PSD3: variants seen among roughly 807,000 people sequenced by gnomAD.
PSD3 encodes the protein pleckstrin and Sec7 domain containing 3, also known as PH and SEC7 domain-containing protein 3.
In PSD3, 49 loss-of-function variants were observed where a neutral mutation model predicts 105.5. The observed-to-expected ratio is 0.46, with a 90% confidence interval of 0.37 to 0.59. PSD3 has a LOEUF of 0.59. Ranked by LOEUF, PSD3 falls within the 20% of genes least tolerant of loss-of-function variation. The probability of loss-of-function intolerance (pLI) is 0.00; values close to 1 mark genes in which losing one functional copy is unlikely to be tolerated. For synonymous variants in PSD3, 557 were observed against 457.8 expected (o/e 1.22, Z -2.77); for missense variants, 1,561 against 1,263.8 (o/e 1.24, Z -3.57).
chr8:18,766,486 A>G (rs1194754274), intron 8 of PSD3, among the ~76,000 whole-genome samples: 1 of 152,250 alleles, frequency 6.6e-6, no homozygotes, highest in Admixed American at 6.5e-5. Flanking sequence ...AAAAACTTGA[A>G]AAACCGACGC....
At chr8:18,896,865 C>A (rs1489140731) in intron 2 of PSD3, among the ~76,000 whole-genome samples, 1 of 152,038 alleles carries the variant, frequency 6.6e-6, no homozygotes. Context: ...GGCTGGAGTG[C>A]AATGGCATGA....
chr8:18,665,315 C>G (rs1799384861), intron 9 of PSD3, among the ~76,000 whole-genome samples: 1 of 152,150 alleles, frequency 6.6e-6, no homozygotes, highest in African/African-American at 2.4e-5. Context: ...GATTCCAACC[C>G]TCATGGAATG....
intron 3 of PSD3, 61 bp downstream of exon 3, chr8:18,871,565 T>A: frequency 6.6e-7 from 1 of 1,518,878 alleles, no homozygotes; most frequent in Non-Finnish European, 8.8e-7. Context: ...AAGTACAGGA[T>A]AACAGTTTTC....
At chr8:18,716,581 T>A (rs1481426124) in intron 9 of PSD3, among the ~76,000 whole-genome samples, 1 of 152,108 alleles carries the variant, frequency 6.6e-6, no homozygotes, top group African/African-American at 2.4e-5. Context: ...GGGAGGGTAT[T>A]CAAGACCCAG....
intron 7 of PSD3, among the ~76,000 whole-genome samples, chr8:18,799,833 C>T (rs1243185037): frequency 6.6e-6 from 1 of 152,170 alleles, no homozygotes; most frequent in Non-Finnish European, 1.5e-5. Flanking sequence ...ATTAGTTGTT[C>T]TCGTTACTCT....
At chr8:18,755,068 T>C (rs77481477) in intron 9 of PSD3, among the ~76,000 whole-genome samples, 3,428 of 152,216 alleles carry the variant, frequency 0.023, 218 homozygotes, top group East Asian at 0.19. Context: ...GTTACATTCA[T>C]ATCAATAATA....
intron 9 of PSD3, among the ~76,000 whole-genome samples, chr8:18,749,967 T>C (rs374968749): frequency 2.6e-4 from 39 of 152,038 alleles, no homozygotes; most frequent in African/African-American, 9.2e-4. Flanking sequence ...CCTGCCTAAA[T>C]CTTGATTTGG....
intron 9 of PSD3, among the ~76,000 whole-genome samples, chr8:18,731,269 C>A (rs913600037): frequency 2.6e-5 from 4 of 152,048 alleles, no homozygotes; most frequent in African/African-American, 9.7e-5. Flanking sequence ...AAACAAAAAA[C>A]AAAAAACCTT....
intron 1 of PSD3, among the ~76,000 whole-genome samples, chr8:19,077,904 G>C (rs990895417): frequency 6.6e-6 from 1 of 152,138 alleles, no homozygotes; most frequent in Non-Finnish European, 1.5e-5. Context: ...GAGTCCCAGA[G>C]AACTAATGTA....
chr8:18,574,589 G>A (rs971863951), intron 13 of PSD3, among the ~76,000 whole-genome samples: 6 of 151,958 alleles, frequency 3.9e-5, no homozygotes, highest in African/African-American at 1.5e-4. Context: ...GTATAATCAT[G>A]GACTACTAGA....
intron 1 of PSD3, among the ~76,000 whole-genome samples, chr8:19,002,712 GAATA>G (rs1826468948): frequency 6.6e-6 from 1 of 152,044 alleles, no homozygotes; most frequent in Non-Finnish European, 1.5e-5. Context: ...TATACTACAT[GAATA>G]AATAATGACA....
At chr8:18,644,896 T>C (rs1437073148) in intron 10 of PSD3, among the ~76,000 whole-genome samples, 1 of 152,182 alleles carries the variant, frequency 6.6e-6, no homozygotes, top group Admixed American at 6.5e-5. Context: ...AGGCTGGAAG[T>C]TCAAAGTCAA....
At chr8:18,795,299 A>G (rs1314839864) in intron 8 of PSD3, among the ~76,000 whole-genome samples, 1 of 152,188 alleles carries the variant, frequency 6.6e-6, no homozygotes, top group Non-Finnish European at 1.5e-5. Flanking sequence ...TGTCAAGGGT[A>G]AAGTATATGT....
chr8:18,613,334 C>T (rs1189069275), intron 11 of PSD3, among the ~76,000 whole-genome samples: 2 of 152,098 alleles, frequency 1.3e-5, no homozygotes, highest in Admixed American at 6.5e-5. Flanking sequence ...GAAGTTTGCA[C>T]TGTTTGCAGG....
intron 1 of PSD3, among the ~76,000 whole-genome samples, chr8:19,020,066 G>T (rs944282995): frequency 2.0e-5 from 3 of 152,020 alleles, no homozygotes; most frequent in Non-Finnish European, 2.9e-5. Flanking sequence ...CCTTCTTATG[G>T]GTAGTTATTC....
chr8:18,823,128 A>G (rs1195556982), intron 4 of PSD3, among the ~76,000 whole-genome samples: 1 of 151,876 alleles, frequency 6.6e-6, no homozygotes, highest in East Asian at 1.9e-4. Context: ...TATCACTTCA[A>G]TAACTAGAAA....
At chr8:18,845,763 C>T (rs1383058709) in intron 4 of PSD3, among the ~76,000 whole-genome samples, 2 of 152,086 alleles carry the variant, frequency 1.3e-5, no homozygotes, top group Non-Finnish European at 2.9e-5. Context: ...ATAGCAAGAC[C>T]CCACCTCTAC....
rs1158204944 is a variant in PSD3, at chr8:18,530,478, G to C, written c.*5265C>G. Reference sequence around the variant, plus strand: ...CGAGTACGGATGCGGCACCACGAGAGTGGTTTGATCTCCCGTAAAACATAC... The same window carrying C: ...CGAGTACGGATGCGGCACCACGAGACTGGTTTGATCTCCCGTAAAACATAC... On this transcript the variant is annotated 3_prime_UTR_variant, in exon 16 of 16. Coordinates refer to ENST00000327040, the MANE Select transcript of PSD3 (RefSeq NM_015310.4). 2 of 152,598 alleles carry C rather than the reference G, an allele frequency of 1.3e-5. No homozygotes were observed. The highest frequency in any genetic ancestry group is 2.1e-4 in the South Asian group (1 of 4,834). 9.5% of individuals were successfully genotyped at this position (152,598 alleles called of 1,614,324 possible).
At chr8:18,950,877 T>G (rs1048985036) in intron 1 of PSD3, among the ~76,000 whole-genome samples, 2 of 152,116 alleles carry the variant, frequency 1.3e-5, no homozygotes, top group African/African-American at 2.4e-5. Flanking sequence ...TGTCATGCAC[T>G]TGAGAAAGCC....
Sources: allele counts gnomAD v4.1 joint callset (sites outside exome capture counted in the v4.1 genomes callset), GRCh38; gene constraint gnomAD v4.1.1; transcripts MANE v1.5; gene names NCBI Gene and HGNC (gene_info 2026-07-23, HGNC 2026-07-21).